The following SCEL variants were observed in gnomAD, a reference collection of about 807,000 sequenced individuals.
SCEL encodes sciellin.
A neutral mutation model predicts 117.6 loss-of-function variants in SCEL; 113 were observed. The observed-to-expected ratio is 0.96, with a 90% CI of 0.83 to 1.12. SCEL has a LOEUF of 1.12. Ranked by LOEUF, SCEL falls within the 50% of genes most tolerant of loss-of-function variation. The pLI, the probability that SCEL is intolerant of heterozygous loss-of-function variation, is 0.00. For synonymous variants in SCEL, 270 were observed against 256.2 expected, an observed-to-expected ratio of 1.05 and a Z score of -0.51; for missense variants, 785 against 810.8, an observed-to-expected ratio of 0.97 and a Z score of 0.39.
At chr13:77,584,004 A>G (rs897553698) in intron 9 of SCEL, among the ~76,000 whole-genome samples, 8 of 152,198 alleles carry the variant, frequency 5.3e-5, no homozygotes, top group African/African-American at 1.9e-4. Flanking sequence ...TTATTCCTGA[A>G]AGCTCATCAT....
At chr13:77,584,668 C>T (rs2086461593) in intron 9 of SCEL, among the ~76,000 whole-genome samples, 1 of 152,110 alleles carries the variant, frequency 6.6e-6, no homozygotes, top group African/African-American at 2.4e-5. Context: ...TCCTCCTTTC[C>T]ACCTTGTTAC....
rs1469685450 is a variant in SCEL at position 77,614,697 on chromosome 13, C to T, written c.1451+742C>T. ...CCAGTAGTTTGAATAATTTTGAAAA[C>T]CAATGTTCCAGATGAATCTATTTAT... On this transcript the variant is annotated intron_variant, in intron 24 of 32. Transcript: ENST00000349847. 3.3e-5 allele frequency among the ~76,000 whole-genome samples: 5 copies of T among 152,108 alleles called. No individual in the cohort carries two copies. The East Asian group carries it at 9.6e-4, about 29-fold the overall frequency.
At chr13:77,584,204 C>G (rs1174231875) in intron 9 of SCEL, among the ~76,000 whole-genome samples, 2 of 152,190 alleles carry the variant, frequency 1.3e-5, no homozygotes, top group Non-Finnish European at 2.9e-5. Context: ...AGCTTCCTGC[C>G]TCGCTCTTGC....
At position 77,642,744 on chromosome 13, in the gene SCEL, G is replaced by A. The variant is rs755534732; in HGVS notation, c.1986G>A (p.Ala662=). The change falls in exon 32 of 33, where the codon GCG becomes GCA. Residue 662 remains alanine (A), a synonymous_variant. Coordinates refer to ENST00000349847, the MANE Select transcript of SCEL (RefSeq NM_144777.3). ...AGCAGCCTTTGGAAAATCTACAAGC[G>A]GGTGATAGTATTTGGATTTATAGAC... ...ICKQPLENLQ[A]GDSIWIYRQT... The A allele has an allele frequency of 9.3e-6, 15 of 1,604,440 alleles. No homozygotes were observed. The African/African-American group carries it at 1.1e-4, about 11-fold the overall frequency.
chr13:77,605,164 T>C (rs2088053624), intron 19 of SCEL, among the ~76,000 whole-genome samples: 1 of 152,240 alleles, frequency 6.6e-6, no homozygotes, highest in South Asian at 2.1e-4. Flanking sequence ...CAATTGCATG[T>C]AGTTTCCCTT....
intron 24 of SCEL, among the ~76,000 whole-genome samples, chr13:77,615,462 G>C (rs1033577619): frequency 2.0e-5 from 3 of 152,018 alleles, no homozygotes; most frequent in African/African-American, 7.2e-5. Flanking sequence ...GTTCTCACAG[G>C]GTTACTTGAA....
chr13:77,570,154 C>T (rs1024839382), intron 8 of SCEL, among the ~76,000 whole-genome samples: 2 of 152,250 alleles, frequency 1.3e-5, no homozygotes, highest in Admixed American at 6.5e-5. Flanking sequence ...TGGGTCCATG[C>T]TCTGTACAGG....
At chr13:77,539,720 G>A (rs2083599132) in intron 1 of SCEL, among the ~76,000 whole-genome samples, 1 of 152,016 alleles carries the variant, frequency 6.6e-6, no homozygotes, top group Admixed American at 6.6e-5. Flanking sequence ...ATTTTTAGTA[G>A]AGATGAGGTT....
At chr13:77,546,556 T>C (rs2083998846) in intron 1 of SCEL, among the ~76,000 whole-genome samples, 1 of 152,146 alleles carries the variant, frequency 6.6e-6, no homozygotes, top group South Asian at 2.1e-4. Flanking sequence ...ATTTAACACA[T>C]ATGTTTTGTT....
intron 1 of SCEL, among the ~76,000 whole-genome samples, chr13:77,539,781 G>T (rs144172137): frequency 1.3e-5 from 2 of 152,048 alleles, no homozygotes; most frequent in African/African-American, 4.8e-5. Flanking sequence ...TGGTCTGCCC[G>T]CCTCTGCCTC....
chr13:77,622,518 C>A (rs867470644), intron 27 of SCEL, among the ~76,000 whole-genome samples: 46 of 152,228 alleles, frequency 3.0e-4, no homozygotes, highest in Middle Eastern at 3.4e-3. Context: ...AAAAATTGTC[C>A]TGTGGCTTTA....
intron 17 of SCEL, 68 bp downstream of exon 17, chr13:77,602,781 G>T (rs976127288): frequency 3.7e-6 from 5 of 1,356,848 alleles, no homozygotes; most frequent in Admixed American, 3.4e-5. Flanking sequence ...GATATTGAGG[G>T]CACCACATCT....
rs535222942 is a variant in SCEL, at chr13:77,593,032, ATAAT to A, written c.693-468_693-465del. ...TTTCACCCCTTTAGGGTGAAAAGGAATAATTAATTAATTAATTGTATCTGTTGCT... is the reference window on the plus strand; with the variant it reads ...TTTCACCCCTTTAGGGTGAAAAGGAATAATTAATTAATTGTATCTGTTGCT... On this transcript the variant is annotated intron_variant, in intron 11 of 32. Coordinates refer to ENST00000349847, the MANE Select transcript of SCEL (RefSeq NM_144777.3). 2.5e-3 allele frequency among the ~76,000 whole-genome samples: 377 copies of A among 152,270 alleles called. 2 individuals carry two copies. Among genetic ancestry groups the A allele is most frequent in the African/African-American group, 8.3e-3 (344 of 41,566 alleles).
intron 1 of SCEL, among the ~76,000 whole-genome samples, chr13:77,555,342 A>G (rs1277385951): frequency 1.3e-5 from 2 of 152,172 alleles, no homozygotes; most frequent in African/African-American, 2.4e-5. Flanking sequence ...TGTGATTTCC[A>G]TATGCCTGGC....
Position 77,589,162 on chromosome 13 carries a change from T to A in SCEL, c.564T>A (p.Pro188=), listed in dbSNP as rs1390830323. 6.2e-7 allele frequency: 1 copy of A among 1,612,918 alleles called. No homozygotes were observed. Among genetic ancestry groups the A allele is most frequent in the South Asian group, 1.1e-5 (1 of 91,044 alleles). ...TTTAAAGGGAACCAGGTGTTCACCC[T>A]CCAATACCTCCAAAGCCCAGTTCTC... The part of the protein sequence containing the change: ...GTRRREPGVH[P]PIPPKPSSPV... Residue 188 remains proline (P), a synonymous_variant, in exon 10 of 33, where the codon CCT becomes CCA. Transcript: ENST00000349847.
chr13:77,598,487 C>T (rs2087401083), intron 13 of SCEL, among the ~76,000 whole-genome samples: 2 of 152,208 alleles, frequency 1.3e-5, no homozygotes, highest in South Asian at 2.1e-4. Flanking sequence ...ACAGACTCCA[C>T]GGCCCGCTGA....
chr13:77,622,800 T>C (rs1177701565), intron 27 of SCEL, among the ~76,000 whole-genome samples: 1 of 152,164 alleles, frequency 6.6e-6, no homozygotes, highest in Non-Finnish European at 1.5e-5. Context: ...AGTTCGAGAC[T>C]GCAGTGAGCT....
chr13:77,599,377 AAG>A lies in SCEL; in HGVS notation c.852_853del (p.Arg286SerfsTer5), dbSNP rs1327077379. 2 of 1,612,014 alleles carry A rather than the reference AAG, an allele frequency of 1.2e-6. No individual in the cohort carries two copies. Among genetic ancestry groups the A allele is most frequent in the Non-Finnish European group, 1.7e-6 (2 of 1,178,580 alleles). On this transcript the variant is annotated frameshift_variant, in exon 14 of 33. Coordinates refer to ENST00000349847, the MANE Select transcript of SCEL (RefSeq NM_144777.3). LOFTEE classifies it high-confidence loss of function. ...TCAGAGCAAATCCAAAGGTAGAAGA[AAG>A]AGAGAAAAGGTAAGTGCATCTGTCT... is the stretch of plus-strand genomic sequence containing the variant. ...LFRANPKVEEREKRAKSLESL... is the reference protein window; with the variant it reads ...LFRANPKVEEXEKRAKSLESL...
In SCEL at chr13:77,634,700, G is replaced by T. The variant is rs144994862; in HGVS notation, c.1763+250G>T. ...TAACACATGTATACATAATAGGGTT[G>T]CCATTTGAAAGTTCTCACATAAATG... is the stretch of plus-strand genomic sequence containing the variant. On this transcript the variant is annotated intron_variant, in intron 29 of 32. Transcript: ENST00000349847. 3.9e-3 allele frequency among the ~76,000 whole-genome samples: 587 copies of T among 152,266 alleles called. 4 individuals are homozygous for T. The highest frequency in any genetic ancestry group is 0.014 in the African/African-American group (565 of 41,564).
Sources: allele counts gnomAD v4.1 joint callset (sites outside exome capture counted in the v4.1 genomes callset), GRCh38; gene constraint gnomAD v4.1.1; transcripts MANE v1.5; gene names NCBI Gene and HGNC (gene_info 2026-07-23, HGNC 2026-07-21).